The following NBPF26 variants were observed in gnomAD, a reference collection of about 807,000 sequenced individuals.
The protein encoded by NBPF26 is NBPF member 26.
A neutral mutation model predicts 119.6 loss-of-function variants in NBPF26; 79 were observed. The ratio of observed to expected loss-of-function variants is 0.66; its 90% CI spans 0.55 to 0.80. NBPF26 has a LOEUF of 0.80. Ranked by LOEUF, NBPF26 falls within the 30% of genes least tolerant of loss-of-function variation. The pLI is 0.00. For synonymous variants in NBPF26, 299 were observed against 457.7 expected, an observed-to-expected ratio of 0.65 and a Z score of 4.43; for missense variants, 800 against 1,198.2, an observed-to-expected ratio of 0.67 and a Z score of 4.91.
chr1:120,807,153 T>C (rs1415633081), intron 5 of NBPF26, among the ~76,000 whole-genome samples: 1 of 129,444 alleles, frequency 7.7e-6, no homozygotes, highest in African/African-American at 3.5e-5. Flanking sequence ...TGAAATATTT[T>C]TAAAGTCCTT....
chr1:120,814,068 CG>C, intron 11 of NBPF26, 75 bp downstream of exon 11: 3 of 622,068 alleles, frequency 4.8e-6, no homozygotes, highest in Non-Finnish European at 7.5e-6. Context: ...GGTGGGGAGA[CG>C]TAAGAGCTAA....
At chr1:120,811,384 A>G (rs1651861465) in intron 9 of NBPF26, among the ~76,000 whole-genome samples, 2 of 109,868 alleles carry the variant, frequency 1.8e-5, no homozygotes, top group East Asian at 2.1e-4. Flanking sequence ...CATCTCTACT[A>G]AAAATACAAA....
In NBPF26 at chr1:120,792,506, A is replaced by T. The variant is rs1235513789; in HGVS notation, c.416-655A>T. On this transcript the variant is annotated intron_variant, in intron 3 of 29. Coordinates refer to ENST00000620612, the Ensembl canonical transcript of NBPF26. ...CACTAGGAAAACAGAAGGGAAGTTG[A>T]TTTTTTTTTTTTTGAAATAGAGTCT... Among the ~76,000 whole-genome samples the T allele has an allele frequency of 5.6e-4, 57 of 101,512 alleles. 10 individuals carry two copies. The highest frequency in any genetic ancestry group is 2.1e-3 in the Admixed American group (22 of 10,540). 66.6% of individuals were successfully genotyped at this position (101,512 alleles called of 152,430 possible).
exon 1 of NBPF26, chr1:120,724,171 C>A: frequency 3.6e-6 from 5 of 1,387,364 alleles, no homozygotes; most frequent in Non-Finnish European, 3.8e-6. Flanking sequence ...AGGAGGCGAC[C>A]GAGAAGATGC....
chr1:120,781,595 G>A (rs1281314491), intron 2 of NBPF26, among the ~76,000 whole-genome samples: 4 of 42,332 alleles, frequency 9.4e-5, no homozygotes, highest in African/African-American at 3.5e-4. Context: ...AGGGAGTCTC[G>A]CTCTGTCGCC....
chr1:120,763,687 C>A (rs1651157604), exon 2 of NBPF26: 1 of 1,393,728 alleles, frequency 7.2e-7, no homozygotes, highest in Non-Finnish European at 9.6e-7. Context: ...TGTTACCTAC[C>A]ACAGTGGCAC....
At position 120,724,156 on chromosome 1, in the gene NBPF26, G is replaced by A. The variant is rs2101331337; in HGVS notation, c.-22G>A. 3 of 1,377,884 alleles carry A rather than the reference G, an allele frequency of 2.2e-6. 1 individual carries two copies. Among genetic ancestry groups the A allele is most frequent in the East Asian group, 2.5e-5 (1 of 39,366 alleles). The allele number at this position is 1,377,884 out of a possible 1,614,324, so 85.4% of individuals were successfully genotyped here. ...CGGCGGCGGCGGCGGCGGCGGAGGA[G>A]GAGGAGGAGGCGACCGAGAAGATGC... On this transcript the variant is annotated 5_prime_UTR_variant, in exon 1 of 30. Transcript: ENST00000620612.
intron 4 of NBPF26, among the ~76,000 whole-genome samples, chr1:120,802,467 C>T (rs1651593557): frequency 8.0e-6 from 1 of 125,748 alleles, no homozygotes; most frequent in Non-Finnish European, 1.6e-5. Flanking sequence ...TGCTGGACTC[C>T]ATTTGAACTT....
chr1:120,816,841 T>G lies in NBPF26; in HGVS notation c.2371+14T>G. ...ACATTATTCCAGGTAGCCTCTGTTT[T>G]CCTTGTGTCTCATACCTCTTTCTTG... is the stretch of plus-strand genomic sequence containing the variant. On this transcript the variant is annotated intron_variant, in intron 14 of 29. Coordinates refer to ENST00000620612, the Ensembl canonical transcript of NBPF26. The G allele has an allele frequency of 6.9e-7, 1 of 1,449,254 alleles. No individual in the cohort carries two copies. 89.8% of individuals were successfully genotyped at this position (1,449,254 alleles called of 1,614,324 possible).
At chr1:120,761,148 T>C (rs1651133000) in intron 1 of NBPF26, among the ~76,000 whole-genome samples, 1 of 125,568 alleles carries the variant, frequency 8.0e-6, no homozygotes, top group African/African-American at 3.5e-5. Context: ...GCTAGATTGA[T>C]TGCTACATAT....
intron 1 of NBPF26, among the ~76,000 whole-genome samples, chr1:120,748,271 CT>C (rs1479986380): frequency 1.5e-4 from 1 of 6,714 alleles, no homozygotes; most frequent in Non-Finnish European, 2.3e-4. Flanking sequence ...TGGTGTGGGC[CT>C]TCTGCAGTAT....
Position 120,794,166 on chromosome 1 carries a change from G to A in NBPF26, c.751+670G>A, listed in dbSNP as rs1651528861. 1.7e-5 allele frequency among the ~76,000 whole-genome samples: 2 copies of A among 115,380 alleles called. 1 individual carries two copies. The highest frequency in any genetic ancestry group is 1.7e-4 in the Admixed American group (2 of 11,946). 75.7% of individuals were successfully genotyped at this position (115,380 alleles called of 152,430 possible). A position where few individuals can be genotyped will look rare whatever the true frequency, so the allele number is the denominator to read the frequency against. The stretch of plus-strand genomic sequence containing the variant: ...GAGACTATGTGTGGCACAATACTTT[G>A]TTACACTCTTCACTGATACAAGTGT... On this transcript the variant is annotated intron_variant, in intron 4 of 29. Coordinates refer to ENST00000620612, the Ensembl canonical transcript of NBPF26.
exon 10 of NBPF26, chr1:120,811,891 G>C: frequency 1.1e-6 from 1 of 949,754 alleles, no homozygotes; most frequent in Non-Finnish European, 1.6e-6. Context: ...CCCAGTCCCT[G>C]GCCCCACCTC....
rs1402389098 is a variant in NBPF26, at chr1:120,806,319, G to T, written c.961+554G>T. On this transcript the variant is annotated intron_variant, in intron 5 of 29. Transcript: ENST00000620612. Reference sequence around the variant, plus strand: ...ATCAAGAGCAGGGAGTAGGGGCCGTGCAACGTGGCTCACTCCTATAATCTC... The same window carrying T: ...ATCAAGAGCAGGGAGTAGGGGCCGTTCAACGTGGCTCACTCCTATAATCTC... Among the ~76,000 whole-genome samples the T allele has an allele frequency of 8.7e-5, 10 of 115,276 alleles. 2 individuals are homozygous for T. Among genetic ancestry groups the T allele is most frequent in the Non-Finnish European group, 1.7e-4 (10 of 57,948 alleles). 75.6% of individuals were successfully genotyped at this position (115,276 alleles called of 152,430 possible). A position where few individuals can be genotyped will look rare whatever the true frequency, so the allele number is the denominator to read the frequency against.
chr1:120,842,113 C>T (rs2101560740), downstream of NBPF26, among the ~76,000 whole-genome samples: 2 of 109,984 alleles, frequency 1.8e-5, 1 homozygote, highest in Non-Finnish European at 3.4e-5. Flanking sequence ...TGCTATCACT[C>T]TGGACTTTTG....
Position 120,810,577 on chromosome 1 carries a change from G to T in NBPF26, c.1564+19G>T. ...CTCCCAGGTAGCCTCTATTTTCCTT[G>T]TGTCTCATACCTCTGTCTAGGCTAT... is the stretch of plus-strand genomic sequence containing the variant. On this transcript the variant is annotated intron_variant, in intron 9 of 29. Transcript: ENST00000620612. 7.1e-7 allele frequency: 1 copy of T among 1,415,824 alleles called. No individual in the cohort carries two copies. The highest frequency in any genetic ancestry group is 2.3e-5 in the East Asian group (1 of 43,798). 87.7% of individuals were successfully genotyped at this position (1,415,824 alleles called of 1,614,324 possible).
chr1:120,733,589 G>A (rs1441993595), intron 1 of NBPF26, among the ~76,000 whole-genome samples: 1 of 74,126 alleles, frequency 1.3e-5, no homozygotes, highest in East Asian at 3.2e-4. Context: ...GCTATTTTCT[G>A]TAGCTACTTG....
At chr1:120,725,390 GAA>G (rs1650805003) in intron 1 of NBPF26, among the ~76,000 whole-genome samples, 1 of 64,508 alleles carries the variant, frequency 1.6e-5, no homozygotes, top group African/African-American at 1.6e-4. Flanking sequence ...AAGGTGTTCA[GAA>G]AGTCCTTTCA....
intron 1 of NBPF26, among the ~76,000 whole-genome samples, chr1:120,759,060 G>A (rs1157645588): frequency 9.9e-6 from 1 of 100,712 alleles, no homozygotes; most frequent in Admixed American, 9.9e-5. Context: ...AGGACAGGGA[G>A]TTTATTCTGT....
Sources: allele counts gnomAD v4.1 joint callset (sites outside exome capture counted in the v4.1 genomes callset), GRCh38; gene constraint gnomAD v4.1.1; transcripts MANE v1.5; gene names NCBI Gene and HGNC (gene_info 2026-07-23, HGNC 2026-07-21).